Variants in NTRK2 observed in about 807,000 individuals in gnomAD.
NTRK2 encodes the protein BDNF/NT-3 growth factors receptor.
In NTRK2, 13 loss-of-function variants were observed where a neutral mutation model predicts 94.5. The ratio of observed to expected loss-of-function variants is 0.14; its 90% confidence interval spans 0.09 to 0.22. The LOEUF is 0.22. NTRK2 is among the 10% of genes least tolerant of loss of function. The probability of loss-of-function intolerance (pLI) is 1.00; values close to 1 mark genes in which losing one functional copy is unlikely to be tolerated. For synonymous variants in NTRK2, 372 were observed against 407.4 expected (o/e 0.91, Z 1.05); for missense variants, 639 against 1,071.2 (o/e 0.60, Z 5.63).
chr9:84,708,981 T>C (rs1245954890), intron 5 of NTRK2, among the ~76,000 whole-genome samples: 1 of 152,276 alleles, frequency 6.6e-6, no homozygotes, highest in African/African-American at 2.4e-5. Flanking sequence ...ATTTTCTTGC[T>C]GGATTAAAAA....
At chr9:84,929,781 C>CA (rs1757747409) in intron 14 of NTRK2, among the ~76,000 whole-genome samples, 1 of 152,122 alleles carries the variant, frequency 6.6e-6, no homozygotes, top group Non-Finnish European at 1.5e-5. Flanking sequence ...AGGCTGGTCT[C>CA]AAACTCCTGA....
intron 15 of NTRK2, among the ~76,000 whole-genome samples, chr9:84,935,983 T>C (rs1351137688): frequency 6.6e-6 from 1 of 152,210 alleles, no homozygotes. Flanking sequence ...CCATGTATTA[T>C]AGACAAGGAA....
At chr9:84,780,967 G>C (rs2133033152) in intron 12 of NTRK2, among the ~76,000 whole-genome samples, 1 of 152,240 alleles carries the variant, frequency 6.6e-6, no homozygotes, top group East Asian at 1.9e-4. Context: ...TAAATATTCT[G>C]TCAGGAATTC....
At chr9:84,742,855 C>G (rs1244534241) in intron 10 of NTRK2, among the ~76,000 whole-genome samples, 2 of 143,318 alleles carry the variant, frequency 1.4e-5, no homozygotes, top group African/African-American at 5.4e-5. Flanking sequence ...GGCTGGAGTC[C>G]AGTGGCGCGA....
intron 14 of NTRK2, among the ~76,000 whole-genome samples, chr9:84,923,345 C>CTGT (rs2077631276): frequency 6.6e-6 from 1 of 152,174 alleles, no homozygotes; most frequent in Admixed American, 6.5e-5. Context: ...ACTGTTATCG[C>CTGT]TGTTTACCAC....
intron 14 of NTRK2, among the ~76,000 whole-genome samples, chr9:84,880,928 C>A (rs1008831557): frequency 6.6e-6 from 1 of 152,168 alleles, no homozygotes; most frequent in Non-Finnish European, 1.5e-5. Flanking sequence ...TCCATTGTGA[C>A]AAGTAATAAA....
intron 15 of NTRK2, among the ~76,000 whole-genome samples, chr9:84,943,495 C>T (rs2132824864): frequency 6.6e-6 from 1 of 152,284 alleles, no homozygotes; most frequent in South Asian, 2.1e-4. Flanking sequence ...AGCCCTCTCC[C>T]TTAAGAGTAT....
chr9:84,873,504 C>G (rs2075950010), intron 14 of NTRK2: 12 of 1,056,512 alleles, frequency 1.1e-5, no homozygotes, highest in Non-Finnish European at 1.4e-5. Context: ...AGTGCCACGG[C>G]CCCCCCATTG....
chr9:84,906,126 G>A (rs1050702524), intron 14 of NTRK2, among the ~76,000 whole-genome samples: 7 of 152,174 alleles, frequency 4.6e-5, no homozygotes, highest in Admixed American at 2.0e-4. Context: ...AATCCCTATG[G>A]AAGGGAGATT....
intron 12 of NTRK2, among the ~76,000 whole-genome samples, chr9:84,819,868 G>A (rs1315839030): frequency 2.0e-5 from 3 of 151,934 alleles, no homozygotes; most frequent in Non-Finnish European, 2.9e-5. Flanking sequence ...TCTTTACCCC[G>A]CCCGCATCTC....
intron 15 of NTRK2, 49 bp downstream of exon 15, chr9:84,934,341 G>T (rs763346711): frequency 3.7e-6 from 6 of 1,606,380 alleles, no homozygotes; most frequent in Non-Finnish European, 5.1e-6. Context: ...ACACTTACGT[G>T]TGGAAATTTA....
intron 16 of NTRK2, among the ~76,000 whole-genome samples, chr9:84,952,779 G>A (rs1823644532): frequency 6.6e-6 from 1 of 152,198 alleles, no homozygotes; most frequent in South Asian, 2.1e-4. Context: ...AAGTGCATTA[G>A]GCATTTGAGG....
intron 17 of NTRK2, among the ~76,000 whole-genome samples, chr9:84,970,178 C>A (rs996027118): frequency 2.0e-5 from 3 of 151,990 alleles, no homozygotes; most frequent in Non-Finnish European, 4.4e-5. Flanking sequence ...GGGTGGATCA[C>A]CTGAGGTCAG....
intron 17 of NTRK2, among the ~76,000 whole-genome samples, chr9:84,977,790 G>A (rs966159077): frequency 6.6e-6 from 1 of 152,184 alleles, no homozygotes; most frequent in African/African-American, 2.4e-5. Flanking sequence ...TATCAAGAAA[G>A]CCTATCAGTG....
At chr9:84,865,241 G>C (rs896412220) in intron 13 of NTRK2, among the ~76,000 whole-genome samples, 1 of 152,168 alleles carries the variant, frequency 6.6e-6, no homozygotes, top group Non-Finnish European at 1.5e-5. Context: ...GCTTTTGAGT[G>C]TTCTGTGGCT....
At chr9:84,850,465 G>A (rs537054563) in intron 12 of NTRK2, among the ~76,000 whole-genome samples, 3 of 152,190 alleles carry the variant, frequency 2.0e-5, no homozygotes, top group Non-Finnish European at 4.4e-5. Flanking sequence ...AGGTGATAAA[G>A]CTGGAGCCAG....
intron 17 of NTRK2, among the ~76,000 whole-genome samples, chr9:85,004,082 G>GA: frequency 1.5e-5 from 2 of 129,904 alleles, no homozygotes; most frequent in African/African-American, 5.8e-5. Context: ...GAGAGGAAGA[G>GA]GGAGAGAGAA....
chr9:84,674,363 C>G (rs970679541), intron 2 of NTRK2, among the ~76,000 whole-genome samples: 1 of 152,168 alleles, frequency 6.6e-6, no homozygotes, highest in African/African-American at 2.4e-5. Context: ...ATGACAGACT[C>G]TATGTGCAAT....
intron 6 of NTRK2, among the ~76,000 whole-genome samples, chr9:84,720,878 A>T (rs2062015272): frequency 6.6e-6 from 1 of 152,204 alleles, no homozygotes; most frequent in South Asian, 2.1e-4. Flanking sequence ...GGGGCTTTAA[A>T]GGTTAATCTA....
Sources: gnomAD v4.1 joint callset for allele counts (sites outside exome capture counted in the v4.1 genomes callset) on GRCh38, gnomAD v4.1.1 for gene constraint, MANE v1.5 for transcripts, NCBI Gene and HGNC (gene_info 2026-07-23, HGNC 2026-07-21) for gene names.